Variants in PRKAR2A observed in about 807,000 individuals in gnomAD.
PRKAR2A encodes cAMP-dependent protein kinase type II-alpha regulatory subunit.
PRKAR2A carries 29 observed loss-of-function variants against 51.9 expected under a neutral mutation model. The observed-to-expected ratio is 0.56, with a 90% confidence interval of 0.42 to 0.76. PRKAR2A has a LOEUF of 0.76. Among genes scored for constraint, PRKAR2A ranks in the 30% least tolerant of loss-of-function variants. The pLI is 0.00. For synonymous variants in PRKAR2A, 178 were observed against 186.2 expected, an observed-to-expected ratio of 0.96 and a Z score of 0.36; for missense variants, 445 against 512.1, an observed-to-expected ratio of 0.87 and a Z score of 1.26.
chr3:48,814,624 C>T (rs2082843069), intron 1 of PRKAR2A, among the ~76,000 whole-genome samples: 1 of 152,024 alleles, frequency 6.6e-6, no homozygotes, highest in Non-Finnish European at 1.5e-5. Context: ...TGCCTTGTTC[C>T]ATTTGTATTT....
intron 6 of PRKAR2A, among the ~76,000 whole-genome samples, chr3:48,770,905 G>A (rs1390963792): frequency 6.6e-6 from 1 of 152,166 alleles, no homozygotes; most frequent in Non-Finnish European, 1.5e-5. Context: ...AATTTTCATT[G>A]AGACTTGGTC....
intron 1 of PRKAR2A, among the ~76,000 whole-genome samples, chr3:48,837,803 AG>A (rs1377464508): frequency 3.9e-5 from 6 of 152,024 alleles, no homozygotes; most frequent in African/African-American, 9.7e-5. Context: ...AAGTGGAAAA[AG>A]GAAAAAAAAA....
At chr3:48,766,572 AAAAAT>A (rs1291519799) in intron 6 of PRKAR2A, among the ~76,000 whole-genome samples, 2 of 152,148 alleles carry the variant, frequency 1.3e-5, no homozygotes, top group Admixed American at 1.3e-4. Context: ...TGTCTCAAAA[AAAAAT>A]AAAATAAAAA....
intron 6 of PRKAR2A, among the ~76,000 whole-genome samples, chr3:48,766,633 C>A (rs1053755704): frequency 3.3e-5 from 5 of 152,032 alleles, no homozygotes; most frequent in African/African-American, 4.8e-5. Flanking sequence ...ATGAAATGTG[C>A]TTGATGAAAC....
chr3:48,783,075 A>G lies in PRKAR2A; in HGVS notation c.453T>C (p.Val151=). The G allele has an allele frequency of 3.7e-6, 6 of 1,613,166 alleles. No homozygotes were observed. Among genetic ancestry groups the G allele is most frequent in the Non-Finnish European group, 5.1e-6 (6 of 1,179,678 alleles). ...KNLDQEQLSQ[V]LDAMFERIVK... is the part of the protein sequence containing the mutation. ...CTATCCTTTCAAACATGGCATCGAG[A>G]ACTTGAGAAAGCTGTTCCTGCAGGG... The change falls in exon 5 of 11, where the codon GTT becomes GTC. Residue 151 remains valine, a synonymous_variant. Coordinates refer to ENST00000265563, the MANE Select transcript of PRKAR2A (RefSeq NM_004157.4).
At chr3:48,780,356 C>G (rs1032268085) in intron 5 of PRKAR2A, among the ~76,000 whole-genome samples, 1 of 151,976 alleles carries the variant, frequency 6.6e-6, no homozygotes, top group Non-Finnish European at 1.5e-5. Context: ...GTAATCCCAG[C>G]ACTTTGGGAG....
At chr3:48,816,671 A>T (rs1035349227) in intron 1 of PRKAR2A, among the ~76,000 whole-genome samples, 7 of 152,080 alleles carry the variant, frequency 4.6e-5, no homozygotes, top group African/African-American at 1.7e-4. Context: ...TGGGTATACA[A>T]ATTATCCTAT....
At chr3:48,819,781 A>G (rs572025523) in intron 1 of PRKAR2A, among the ~76,000 whole-genome samples, 104 of 152,282 alleles carry the variant, frequency 6.8e-4, no homozygotes, top group African/African-American at 1.9e-3. Context: ...ACATCTGCTG[A>G]AATAACACAG....
chr3:48,752,807 C>T (rs898300067), intron 9 of PRKAR2A, among the ~76,000 whole-genome samples: 2 of 151,962 alleles, frequency 1.3e-5, no homozygotes, highest in African/African-American at 2.4e-5. Context: ...AAGCAATCCT[C>T]CCATCTTGGC....
Position 48,748,927 on chromosome 3 carries a change from CCT to C in PRKAR2A, c.*2656_*2657del. On this transcript the variant is annotated 3_prime_UTR_variant, in exon 11 of 11. Transcript: ENST00000265563. ...CTACAGAGGGCAGTCTGAAAAGAGT[CCT>C]TCTGCTTTCGCTTCCTGGAGCTTAA... 1 of 152,220 alleles carries C rather than the reference CCT, an allele frequency of 6.6e-6. No homozygotes were observed. Among genetic ancestry groups the C allele is most frequent in the East Asian group, 1.9e-4 (1 of 5,206 alleles). The allele number at this position is 152,220 out of a possible 1,614,324, so 9.4% of individuals were successfully genotyped here.
chr3:48,811,031 TAGTC>T (rs1397986648), intron 1 of PRKAR2A, among the ~76,000 whole-genome samples: 4 of 151,810 alleles, frequency 2.6e-5, no homozygotes, highest in Non-Finnish European at 5.9e-5. Context: ...ATTTAAAAAT[TAGTC>T]AGGCGAGGTG....
intron 2 of PRKAR2A, among the ~76,000 whole-genome samples, chr3:48,804,363 AGGC>A (rs2082640060): frequency 2.0e-5 from 3 of 152,140 alleles, no homozygotes; most frequent in Non-Finnish European, 4.4e-5. Flanking sequence ...CAGGAGGCTG[AGGC>A]AGGAGGATCA....
chr3:48,808,429 A>AT (rs1307791953), intron 1 of PRKAR2A, among the ~76,000 whole-genome samples: 1 of 152,094 alleles, frequency 6.6e-6, no homozygotes, highest in East Asian at 1.9e-4. Flanking sequence ...AATGTGTTGT[A>AT]TTTTTAGTAG....
At chr3:48,762,602 T>C (rs1425490531) in intron 8 of PRKAR2A, among the ~76,000 whole-genome samples, 1 of 151,984 alleles carries the variant, frequency 6.6e-6, no homozygotes, top group Non-Finnish European at 1.5e-5. Context: ...GCCACTGTAC[T>C]CCAGCTTGGG....
chr3:48,847,452 CTG>C lies in PRKAR2A; in HGVS notation c.143_144del (p.Ser48CysfsTer44). ...TGGCGTGGGGTGGCGGCGGGCAGGA[CTG>C]AGGCTGGGGCGCGGGCCTCGCGCAG... is the stretch of plus-strand genomic sequence containing the variant. ...TRLREARAPA[S>X]VLPAATPRQS... On this transcript the variant is annotated frameshift_variant, in exon 1 of 11. Transcript: ENST00000265563. LOFTEE classifies it high-confidence loss of function. The surrounding 1 kb of genome is among the most constrained non-coding windows in gnomAD (Gnocchi z 4.4). 1 of 1,576,110 alleles carries C rather than the reference CTG, an allele frequency of 6.3e-7. No individual in the cohort carries two copies. Among genetic ancestry groups the C allele is most frequent in the Non-Finnish European group, 8.6e-7 (1 of 1,160,832 alleles).
intron 1 of PRKAR2A, among the ~76,000 whole-genome samples, chr3:48,826,410 G>A (rs903664115): frequency 6.6e-6 from 1 of 152,160 alleles, no homozygotes; most frequent in Non-Finnish European, 1.5e-5. Context: ...CATACGGCAA[G>A]GTCTGTAAGG....
At chr3:48,752,996 A>G (rs758013672) in intron 9 of PRKAR2A, among the ~76,000 whole-genome samples, 1 of 127,780 alleles carries the variant, frequency 7.8e-6, no homozygotes, top group Admixed American at 1.0e-4. Context: ...GCAGTGGCGC[A>G]ATATCCGCTC....
At chr3:48,766,031 G>C (rs1312105437) in intron 6 of PRKAR2A, among the ~76,000 whole-genome samples, 1 of 152,008 alleles carries the variant, frequency 6.6e-6, no homozygotes, top group Non-Finnish European at 1.5e-5. Flanking sequence ...GACCAGCCTA[G>C]GCAACATGGT....
intron 1 of PRKAR2A, among the ~76,000 whole-genome samples, chr3:48,834,030 G>A (rs1344398743): frequency 3.6e-5 from 5 of 139,060 alleles, no homozygotes; most frequent in East Asian, 2.0e-4. Context: ...GCAAGACTCC[G>A]TCTTAAAAAA....
Sources: allele counts gnomAD v4.1 joint callset (sites outside exome capture counted in the v4.1 genomes callset), GRCh38; gene constraint gnomAD v4.1.1; non-coding constraint Gnocchi (gnomAD v3.1); transcripts MANE v1.5; gene names NCBI Gene and HGNC (gene_info 2026-07-23, HGNC 2026-07-21).